The following PSMD12 variants were observed in gnomAD, a reference collection of about 807,000 sequenced individuals.
The protein encoded by PSMD12 is proteasome 26S subunit, non-ATPase 12.
Under a neutral mutation model 62.9 loss-of-function variants are expected in PSMD12, and 8 were observed. That is an observed-to-expected ratio of 0.13 (90% CI 0.07 to 0.23). PSMD12 has a LOEUF of 0.23. Ranked by LOEUF, PSMD12 falls within the 10% of genes least tolerant of loss-of-function variation. The pLI, the probability that PSMD12 is intolerant of heterozygous loss-of-function variation, is 1.00. For synonymous variants in PSMD12, 173 were observed against 187.4 expected, an observed-to-expected ratio of 0.92 and a Z score of 0.63; for missense variants, 424 against 550.2, an observed-to-expected ratio of 0.77 and a Z score of 2.29.
chr17:67,354,668 C>A (rs935415034), intron 3 of PSMD12, among the ~76,000 whole-genome samples: 6 of 152,122 alleles, frequency 3.9e-5, no homozygotes, highest in African/African-American at 1.4e-4. Context: ...TCTCAAACCA[C>A]TGAACTGGGC....
At chr17:67,366,351 C>G in intron 1 of PSMD12, 61 bp downstream of exon 1, 1 of 1,499,000 alleles carries the variant, frequency 6.7e-7, no homozygotes, top group Non-Finnish European at 9.1e-7. Context: ...GAGGCCTAAG[C>G]AGGCTCCGCG....
chr17:67,351,392 A>AAATAAT (rs56142901), intron 3 of PSMD12, among the ~76,000 whole-genome samples: 25,637 of 139,928 alleles, frequency 0.18, 2,527 homozygotes, highest in South Asian at 0.27. Flanking sequence ...ACTTGTCTCA[A>AAATAAT]AATAATAATA....
chr17:67,344,543 T>C lies in PSMD12; in HGVS notation c.1083+63A>G. 2.1e-6 allele frequency: 3 copies of C among 1,429,372 alleles called. No homozygotes were observed. In the South Asian group the frequency reaches 4.6e-5, roughly 22 times the overall value. 88.5% of individuals were successfully genotyped at this position (1,429,372 alleles called of 1,614,324 possible). A position where few individuals can be genotyped will look rare whatever the true frequency, so the allele number is the denominator to read the frequency against. ...TATGCTCAAAATTGCCAAAATTTAA[T>C]TCTAAAAAGTAAATTCACTAAAGGT... On this transcript the variant is annotated intron_variant, in intron 9 of 10. Coordinates refer to ENST00000356126, the MANE Select transcript of PSMD12 (RefSeq NM_002816.5).
intron 5 of PSMD12, among the ~76,000 whole-genome samples, chr17:67,348,126 C>T (rs748146152): frequency 2.0e-5 from 3 of 151,992 alleles, no homozygotes; most frequent in Non-Finnish European, 4.4e-5. Flanking sequence ...TTTCATTTCC[C>T]GTGGGTAAAT....
At chr17:67,355,905 A>C (rs1316453116) in intron 3 of PSMD12, among the ~76,000 whole-genome samples, 1 of 151,716 alleles carries the variant, frequency 6.6e-6, no homozygotes. Context: ...AGGTGGGAGG[A>C]TCACTTAAGC....
In PSMD12 at chr17:67,366,412, C is replaced by T. The variant is rs1265258471; in HGVS notation, c.108G>A (p.Lys36=). ...CAACAGCCAGCCGGCCTCTCCTCAC[C>T]TTGGCTAGCTTCGCACACTCGGGTA... The part of the protein sequence containing the change: ...QRLPECAKLA[K]EGRLQEVIET... Residue 36 remains lysine (K), a splice_region_variant and synonymous_variant, in exon 1 of 11, where the codon AAG becomes AAA. Transcript: ENST00000356126. The T allele has an allele frequency of 4.3e-6, 7 of 1,610,088 alleles. No homozygotes were observed. In the East Asian group the frequency reaches 1.3e-4, roughly 31 times the overall value.
intron 1 of PSMD12, among the ~76,000 whole-genome samples, chr17:67,366,209 G>A (rs1292727039): frequency 6.6e-6 from 1 of 152,226 alleles, no homozygotes; most frequent in Non-Finnish European, 1.5e-5. Context: ...GTTTTGGGGA[G>A]GGTCTGGGAA....
intron 3 of PSMD12, among the ~76,000 whole-genome samples, chr17:67,350,607 G>C (rs879450680): frequency 2.6e-5 from 4 of 152,240 alleles, no homozygotes; most frequent in Non-Finnish European, 5.9e-5. Flanking sequence ...TAGGGGAAGA[G>C]AAAGCAGAGG....
At chr17:67,364,346 G>A (rs1312139324) in intron 1 of PSMD12, among the ~76,000 whole-genome samples, 2 of 152,172 alleles carry the variant, frequency 1.3e-5, no homozygotes, top group Non-Finnish European at 2.9e-5. Flanking sequence ...ATTGGAGTTT[G>A]CAAGTTTTTC....
At chr17:67,361,954 T>TAG (rs2042134622) in intron 1 of PSMD12, among the ~76,000 whole-genome samples, 1 of 130,956 alleles carries the variant, frequency 7.6e-6, no homozygotes, top group Non-Finnish European at 1.6e-5. Context: ...GAGGAAGACA[T>TAG]TAACATTTAG....
intron 3 of PSMD12, among the ~76,000 whole-genome samples, chr17:67,352,374 C>T (rs1266967229): frequency 1.3e-5 from 2 of 152,194 alleles, no homozygotes; most frequent in African/African-American, 4.8e-5. Context: ...TTTTAACTAT[C>T]TGAAACACTG....
At chr17:67,361,890 AAAAAAAAAAAAAAAAAAAAGG>A (rs2042132019) in intron 1 of PSMD12, among the ~76,000 whole-genome samples, 1 of 132,138 alleles carries the variant, frequency 7.6e-6, no homozygotes, top group Admixed American at 7.8e-5. Flanking sequence ...AAAAAAAAAA[AAAAAAAAAAAAAAAAAAAAGG>A]AAGGAAGGAA....
chr17:67,361,680 TTTTG>T (rs1047631266), intron 1 of PSMD12, among the ~76,000 whole-genome samples: 7 of 152,054 alleles, frequency 4.6e-5, no homozygotes, highest in Non-Finnish European at 8.8e-5. Context: ...AAGGGGTCTC[TTTTG>T]TTTAAGCTGT....
chr17:67,341,469 CAAAAAAAAAAA>C (rs71368819), intron 10 of PSMD12, among the ~76,000 whole-genome samples: 4 of 51,132 alleles, frequency 7.8e-5, no homozygotes, highest in Admixed American at 3.0e-4. Context: ...GACTCTGCCT[CAAAAAAAAAAA>C]AAAAAAAAAA....
intron 3 of PSMD12, among the ~76,000 whole-genome samples, chr17:67,351,572 T>C (rs1002928772): frequency 6.6e-6 from 1 of 151,956 alleles, no homozygotes; most frequent in African/African-American, 2.4e-5. Context: ...AATGTTTTTG[T>C]TGTGGAGGTG....
At chr17:67,363,351 G>C (rs1010585195) in intron 1 of PSMD12, among the ~76,000 whole-genome samples, 8 of 152,052 alleles carry the variant, frequency 5.3e-5, no homozygotes, top group South Asian at 2.1e-4. Flanking sequence ...ACAGCATCTC[G>C]TTAGGCTGGC....
rs138973199 is a variant in PSMD12 at position 67,350,903 on chromosome 17, T to C, written c.298-567A>G. ...TTCTGTAAATTTTTGCAAATGTTCA[T>C]AAAGTAGTTATTTTAGACTTTGTGG... On this transcript the variant is annotated intron_variant, in intron 3 of 10. Transcript: ENST00000356126. Among the ~76,000 whole-genome samples, 212 of 152,292 alleles carry C rather than the reference T, an allele frequency of 1.4e-3. 1 individual carries two copies. The highest frequency in any genetic ancestry group is 4.9e-3 in the African/African-American group (202 of 41,550).
chr17:67,361,896 AAAAAAAAAAAAAAGG>A (rs2042132131), intron 1 of PSMD12, among the ~76,000 whole-genome samples: 11 of 135,008 alleles, frequency 8.1e-5, no homozygotes, highest in Non-Finnish European at 1.5e-4. Flanking sequence ...AAAAAAAAAA[AAAAAAAAAAAAAAGG>A]AAGGAAGGAA....
At chr17:67,351,790 T>TC (rs931193984) in intron 3 of PSMD12, among the ~76,000 whole-genome samples, 1 of 151,956 alleles carries the variant, frequency 6.6e-6, no homozygotes. Context: ...TTCCACCTTT[T>TC]TTTTTTTTTA....
Sources: gnomAD v4.1 joint callset for allele counts (sites outside exome capture counted in the v4.1 genomes callset) on GRCh38, gnomAD v4.1.1 for gene constraint, MANE v1.5 for transcripts, NCBI Gene and HGNC (gene_info 2026-07-23, HGNC 2026-07-21) for gene names.